Variants in SLC22A23 observed in about 807,000 individuals in gnomAD.
The protein encoded by SLC22A23 is ion transporter protein.
Under a neutral mutation model 61.0 loss-of-function variants are expected in SLC22A23, and 26 were observed. That is an observed-to-expected ratio of 0.43 (90% CI 0.31 to 0.59). The LOEUF is 0.59. Among genes scored for constraint, SLC22A23 ranks in the 20% least tolerant of loss-of-function variants. The pLI, the probability that SLC22A23 is intolerant of heterozygous loss-of-function variation, is 0.11. For synonymous variants in SLC22A23, 430 were observed against 413.9 expected (o/e 1.04, Z -0.47); for missense variants, 796 against 934.7 (o/e 0.85, Z 1.94).
chr6:3,394,300 A>G (rs775537957), intron 3 of SLC22A23, among the ~76,000 whole-genome samples: 1 of 152,180 alleles, frequency 6.6e-6, no homozygotes, highest in Non-Finnish European at 1.5e-5. Context: ...CAGCAACTCC[A>G]GGCACACATG....
In SLC22A23 at chr6:3,297,667, G is replaced by C. The variant is rs927790905; in HGVS notation, c.1210+424C>G. ...CCTGTCTTCAGCTGCCCAACAAATA[G>C]GTCATGGCCAGGTAAAGACAATGGT... On this transcript the variant is annotated intron_variant, in intron 5 of 9. Transcript: ENST00000406686. This position sits in a 1 kb window ranked among gnomAD's most constrained non-coding sequence, Gnocchi z 4.3. Among the ~76,000 whole-genome samples, 2 of 152,146 alleles carry C rather than the reference G, an allele frequency of 1.3e-5. No individual in the cohort carries two copies. Among genetic ancestry groups the C allele is most frequent in the African/African-American group, 4.8e-5 (2 of 41,426 alleles).
intron 3 of SLC22A23, among the ~76,000 whole-genome samples, chr6:3,404,988 C>A (rs866533844): frequency 4.0e-5 from 6 of 151,706 alleles, no homozygotes; most frequent in Middle Eastern, 6.9e-3. Flanking sequence ...CGGCCAGGTG[C>A]GGTGGCTCAT....
At chr6:3,416,046 A>AAATG (rs1769677842) in intron 1 of SLC22A23, among the ~76,000 whole-genome samples, 191 bp from the exon 2 acceptor site, 1 of 152,252 alleles carries the variant, frequency 6.6e-6, no homozygotes, top group Admixed American at 6.5e-5. Flanking sequence ...CCACAAAAGG[A>AAATG]AATGTAACAT....
intron 3 of SLC22A23, among the ~76,000 whole-genome samples, chr6:3,389,010 G>A (rs1195908804): frequency 1.3e-5 from 2 of 152,028 alleles, no homozygotes; most frequent in African/African-American, 2.4e-5. Context: ...GCTCACTCCT[G>A]TAATCCCAGC....
Position 3,286,866 on chromosome 6 carries a change from G to T in SLC22A23, c.1539C>A (p.Leu513=). 1 of 1,595,906 alleles carries T rather than the reference G, an allele frequency of 6.3e-7. No individual in the cohort carries two copies. Among genetic ancestry groups the T allele is most frequent in the Non-Finnish European group, 8.5e-7 (1 of 1,171,810 alleles). The stretch of plus-strand genomic sequence containing the variant: ...CCTCCCCGACCCACTCACGGTTGAG[G>T]AGGCCGAGCTGCAGGAGTGAGGCCA... ...TALASLLQLG[L]LNLIGKYSQH... The change falls in exon 7 of 10, where the codon CTC becomes CTA. Residue 513 remains leucine (L), a synonymous_variant. Transcript: ENST00000406686. The surrounding 1 kb of genome is among the most constrained non-coding windows in gnomAD (Gnocchi z 4.2).
chr6:3,282,409 C>T (rs1346129958), intron 9 of SLC22A23: 1 of 682,480 alleles, frequency 1.5e-6, no homozygotes, highest in Non-Finnish European at 2.7e-6. Flanking sequence ...AGCTGTCAGG[C>T]TGGGCCTGTA....
At chr6:3,440,706 C>CA (rs1463035257) in intron 1 of SLC22A23, among the ~76,000 whole-genome samples, 6,408 of 68,458 alleles carry the variant, frequency 0.094, 677 homozygotes, top group African/African-American at 0.3. Flanking sequence ...GACTCCGTCT[C>CA]AGAAAAAAAA....
chr6:3,352,193 T>C (rs1344345537), intron 3 of SLC22A23, among the ~76,000 whole-genome samples: 4 of 152,116 alleles, frequency 2.6e-5, no homozygotes, highest in African/African-American at 9.7e-5. Context: ...CCTCTTGTCC[T>C]GCTGCTCTGA....
chr6:3,447,166 C>T (rs1771936554), intron 1 of SLC22A23, among the ~76,000 whole-genome samples: 1 of 152,208 alleles, frequency 6.6e-6, no homozygotes, highest in African/African-American at 2.4e-5. Flanking sequence ...CCCCCATTCC[C>T]ATATCAATTG....
intron 5 of SLC22A23, chr6:3,291,142 G>A (rs1275547548): frequency 6.6e-6 from 1 of 152,162 alleles, no homozygotes. Context: ...TCGCAATCTG[G>A]GAAGTCGAGT....
chr6:3,375,020 A>T (rs1766468298), intron 3 of SLC22A23, among the ~76,000 whole-genome samples: 1 of 152,228 alleles, frequency 6.6e-6, no homozygotes, highest in African/African-American at 2.4e-5. Flanking sequence ...CAGAAAACTG[A>T]ATGAACAACG....
chr6:3,442,817 A>T (rs1013424455), intron 1 of SLC22A23, among the ~76,000 whole-genome samples: 10 of 100,422 alleles, frequency 1.0e-4, no homozygotes, highest in Non-Finnish European at 2.1e-4. Flanking sequence ...CACTTTATTT[A>T]AAAAAAAAAA....
intron 3 of SLC22A23, among the ~76,000 whole-genome samples, chr6:3,369,508 T>G (rs1486114353): frequency 6.6e-6 from 1 of 152,052 alleles, no homozygotes; most frequent in South Asian, 2.1e-4. Flanking sequence ...CTGGCCAACA[T>G]GGTGAAACCC....
intron 3 of SLC22A23, among the ~76,000 whole-genome samples, chr6:3,371,283 G>T (rs1349280341): frequency 6.6e-6 from 1 of 152,204 alleles, no homozygotes; most frequent in Non-Finnish European, 1.5e-5. Context: ...GGTGCTGCAG[G>T]CCACATGGCA....
intron 3 of SLC22A23, among the ~76,000 whole-genome samples, chr6:3,405,733 T>C (rs1270755973): frequency 6.6e-6 from 1 of 151,980 alleles, no homozygotes; most frequent in Non-Finnish European, 1.5e-5. Flanking sequence ...TAAAAATATA[T>C]GGGATAGTGA....
At chr6:3,426,669 CT>C (rs369397136) in intron 1 of SLC22A23, among the ~76,000 whole-genome samples, 4 of 151,656 alleles carry the variant, frequency 2.6e-5, no homozygotes, top group Non-Finnish European at 4.4e-5. Flanking sequence ...CTTTCTTTCT[CT>C]TTTTTTTTCT....
rs529415931 is a variant in SLC22A23, at chr6:3,271,884, GGA to G, written c.*1169_*1170del. ...TTTGTCTTGATGCCTTCGAGAGGCT[GGA>G]GGTCATTTGGACTCACCTATGAGGA... On this transcript the variant is annotated 3_prime_UTR_variant, in exon 10 of 10. Coordinates refer to ENST00000406686, the MANE Select transcript of SLC22A23 (RefSeq NM_015482.2). The G allele has an allele frequency of 2.0e-5, 3 of 152,568 alleles. No individual in the cohort carries two copies. In the South Asian group the frequency reaches 6.2e-4, roughly 32 times the overall value. 9.5% of individuals were successfully genotyped at this position (152,568 alleles called of 1,614,324 possible).
chr6:3,282,301 C>T (rs1247242397), intron 9 of SLC22A23: 1 of 702,518 alleles, frequency 1.4e-6, no homozygotes, highest in Non-Finnish European at 2.6e-6. Context: ...AAGCTCCTGA[C>T]TCATCTCTCC....
At chr6:3,382,703 T>G (rs945282416) in intron 3 of SLC22A23, among the ~76,000 whole-genome samples, 2 of 152,266 alleles carry the variant, frequency 1.3e-5, no homozygotes, top group Admixed American at 6.5e-5. Context: ...GGCTGCTTTA[T>G]GTTATGGTGG....
Sources: allele counts gnomAD v4.1 joint callset (sites outside exome capture counted in the v4.1 genomes callset), GRCh38; gene constraint gnomAD v4.1.1; non-coding constraint Gnocchi (gnomAD v3.1); transcripts MANE v1.5; gene names NCBI Gene and HGNC (gene_info 2026-07-23, HGNC 2026-07-21).